Variants in SNX9 observed in about 807,000 individuals in gnomAD.
SNX9 encodes sorting nexin 9.
Under a neutral mutation model 89.4 loss-of-function variants are expected in SNX9, and 44 were observed. The observed-to-expected ratio is 0.49, with a 90% confidence interval of 0.39 to 0.63. SNX9 has a LOEUF of 0.63. Ranked by LOEUF, SNX9 falls within the 30% of genes least tolerant of loss-of-function variation. The pLI is 0.00. For missense variants in SNX9, 578 were observed against 736.1 expected, an observed-to-expected ratio of 0.79 and a Z score of 2.49; for synonymous variants, 236 against 247.8, an observed-to-expected ratio of 0.95 and a Z score of 0.45.
chr6:157,892,426 G>A (rs560579435), intron 4 of SNX9, among the ~76,000 whole-genome samples: 61 of 152,140 alleles, frequency 4.0e-4, no homozygotes, highest in Admixed American at 3.8e-3. Context: ...TTTGAGAAAT[G>A]TGTTATCAGC....
At chr6:157,901,573 C>T (rs1783098435) in intron 5 of SNX9, among the ~76,000 whole-genome samples, 1 of 151,582 alleles carries the variant, frequency 6.6e-6, no homozygotes, top group South Asian at 2.1e-4. Flanking sequence ...CTGGTTTTCC[C>T]AGCACGACTT....
intron 1 of SNX9, among the ~76,000 whole-genome samples, chr6:157,859,046 G>A (rs1782068231): frequency 6.6e-6 from 1 of 152,024 alleles, no homozygotes; most frequent in African/African-American, 2.4e-5. Flanking sequence ...TTTCCAGATA[G>A]GTTTTACACA....
chr6:157,921,749 G>T, intron 10 of SNX9, 88 bp downstream of exon 10: 1 of 1,415,330 alleles, frequency 7.1e-7, no homozygotes, highest in Non-Finnish European at 9.6e-7. Context: ...TTAAAATTAT[G>T]TTGGTTAGTT....
At position 157,929,491 on chromosome 6, in the gene SNX9, T is replaced by G. The variant is rs566570875; in HGVS notation, c.1288+789T>G. 1.2e-4 allele frequency among the ~76,000 whole-genome samples: 18 copies of G among 152,302 alleles called. 1 individual carries two copies. The highest frequency in any genetic ancestry group is 4.1e-4 in the African/African-American group (17 of 41,562). On this transcript the variant is annotated intron_variant, in intron 12 of 17. Coordinates refer to ENST00000392185, the MANE Select transcript of SNX9 (RefSeq NM_016224.5). ...TCCTAGGACTTCTCTCCTTTATATC[T>G]GGTCTGCCCTTATTGCTGTGTCTTA...
intron 4 of SNX9, among the ~76,000 whole-genome samples, chr6:157,879,762 G>A (rs1171795740): frequency 2.0e-5 from 3 of 152,178 alleles, no homozygotes; most frequent in Admixed American, 2.0e-4. Context: ...TTGTTGTTTA[G>A]ATTACATCAC....
intron 4 of SNX9, among the ~76,000 whole-genome samples, chr6:157,883,754 ATC>A (rs1782676320): frequency 6.6e-6 from 1 of 152,116 alleles, no homozygotes; most frequent in Non-Finnish European, 1.5e-5. Context: ...TCAGAAGCCC[ATC>A]TCTTCAGGTT....
chr6:157,898,850 T>C (rs1381958499), intron 5 of SNX9, among the ~76,000 whole-genome samples: 1 of 152,220 alleles, frequency 6.6e-6, no homozygotes, highest in Non-Finnish European at 1.5e-5. Flanking sequence ...CTGGCAGTCA[T>C]AGACAGGAGC....
chr6:157,877,586 C>T (rs1782544719), intron 4 of SNX9, among the ~76,000 whole-genome samples: 1 of 152,120 alleles, frequency 6.6e-6, no homozygotes, highest in South Asian at 2.1e-4. Flanking sequence ...ATCAGGTTTG[C>T]CCATTGCTTT....
At chr6:157,841,459 A>G (rs1469457926) in intron 1 of SNX9, among the ~76,000 whole-genome samples, 1 of 152,176 alleles carries the variant, frequency 6.6e-6, no homozygotes, top group Admixed American at 6.5e-5. Context: ...AGAGAGATTG[A>G]GACCTACCTA....
At chr6:157,915,757 G>A (rs565024400) in intron 9 of SNX9, among the ~76,000 whole-genome samples, 31 of 144,526 alleles carry the variant, frequency 2.1e-4, no homozygotes, top group East Asian at 1.0e-3. Flanking sequence ...TCCAGGAGGC[G>A]GAGGTTGCCG....
chr6:157,870,060 G>A (rs905687953), intron 2 of SNX9, among the ~76,000 whole-genome samples: 5 of 149,182 alleles, frequency 3.4e-5, no homozygotes, highest in African/African-American at 9.9e-5. Flanking sequence ...GTGTGAGCAC[G>A]CACACACACC....
At chr6:157,899,663 A>G (rs998032294) in intron 5 of SNX9, among the ~76,000 whole-genome samples, 1 of 151,960 alleles carries the variant, frequency 6.6e-6, no homozygotes, top group Non-Finnish European at 1.5e-5. Flanking sequence ...AGTCCCAGCT[A>G]CTCGGGAAGC....
At chr6:157,838,319 T>A (rs1008323819) in intron 1 of SNX9, among the ~76,000 whole-genome samples, 3 of 133,978 alleles carry the variant, frequency 2.2e-5, no homozygotes, top group African/African-American at 9.0e-5. Context: ...GACCAATAAT[T>A]TTTTTTTTTT....
chr6:157,915,657 A>ATATATATATATATATATATATG (rs1783451231), intron 9 of SNX9, among the ~76,000 whole-genome samples: 6 of 128,682 alleles, frequency 4.7e-5, no homozygotes, highest in African/African-American at 1.8e-4. Context: ...ATATATATAT[A>ATATATATATATATATATATATG]CACACACACA....
At chr6:157,905,824 T>C (rs1480031807) in intron 6 of SNX9, among the ~76,000 whole-genome samples, 1 of 152,086 alleles carries the variant, frequency 6.6e-6, no homozygotes, top group Admixed American at 6.5e-5. Context: ...AGGGGGGCGT[T>C]TTTTCAGGTC....
chr6:157,891,677 CT>C (rs1782864892), intron 4 of SNX9, among the ~76,000 whole-genome samples: 4 of 152,202 alleles, frequency 2.6e-5, no homozygotes, highest in Non-Finnish European at 5.9e-5. Context: ...ACTGGTGGGA[CT>C]GACCATCTGA....
Position 157,826,815 on chromosome 6 carries a change from A to ATTATATTTT in SNX9, c.12+3369_12+3370insTTATATTTT, listed in dbSNP as rs1562585891. Among the ~76,000 whole-genome samples the ATTATATTTT allele has an allele frequency of 1.9e-5, 2 of 107,432 alleles. 1 individual carries two copies. Among genetic ancestry groups the ATTATATTTT allele is most frequent in the African/African-American group, 1.1e-4 (2 of 18,668 alleles). The allele number at this position is 107,432 out of a possible 152,430, so 70.5% of individuals were successfully genotyped here. A position where few individuals can be genotyped will look rare whatever the true frequency, so the allele number is the denominator to read the frequency against. On this transcript the variant is annotated intron_variant, in intron 1 of 17. Transcript: ENST00000392185. ...ATATATATATTATATTTTATATATA[A>ATTATATTTT]ATATATATTATATTTTATATATATA... is the stretch of plus-strand genomic sequence containing the variant.
At chr6:157,845,105 C>CTTTTTT (rs35257389) in intron 1 of SNX9, among the ~76,000 whole-genome samples, 1 of 124,806 alleles carries the variant, frequency 8.0e-6, no homozygotes, top group Non-Finnish European at 1.7e-5. Flanking sequence ...TCCCATTTGT[C>CTTTTTT]TTTTTTTTTT....
At chr6:157,935,677 T>C (rs1352799308) in intron 13 of SNX9, among the ~76,000 whole-genome samples, 1 of 152,196 alleles carries the variant, frequency 6.6e-6, no homozygotes, top group Non-Finnish European at 1.5e-5. Context: ...GGTGTCATAA[T>C]GGTACTGCCT....
Sources: allele counts gnomAD v4.1 joint callset (sites outside exome capture counted in the v4.1 genomes callset), GRCh38; gene constraint gnomAD v4.1.1; transcripts MANE v1.5; gene names NCBI Gene and HGNC (gene_info 2026-07-23, HGNC 2026-07-21).